The following DLG1 variants were observed in gnomAD, a reference collection of about 807,000 sequenced individuals.
DLG1 encodes disks large homolog 1.
A neutral mutation model predicts 123.4 loss-of-function variants in DLG1; 42 were observed. The observed-to-expected ratio is 0.34, with a 90% CI of 0.27 to 0.44. The LOEUF is 0.44. Among genes scored for constraint, DLG1 ranks in the 20% least tolerant of loss-of-function variants. The probability of loss-of-function intolerance (pLI) is 1.00; values close to 1 mark genes in which losing one functional copy is unlikely to be tolerated. For missense variants in DLG1, 942 were observed against 1,082.6 expected (o/e 0.87, Z 1.82); for synonymous variants, 317 against 356.2 (o/e 0.89, Z 1.24).
intron 4 of DLG1, among the ~76,000 whole-genome samples, chr3:197,234,573 A>G (rs1222270121): frequency 6.6e-6 from 1 of 152,234 alleles, no homozygotes; most frequent in African/African-American, 2.4e-5. Flanking sequence ...AAGAACATGT[A>G]ATAACATGAA....
In DLG1 at chr3:197,282,665, A is replaced by T; in HGVS notation, c.318+14T>A. ...TCACCAAAAAACAGCTTCAGAACACATTTTTTATCTCACCTCTACACTAGG... is the reference window on the plus strand; with the variant it reads ...TCACCAAAAAACAGCTTCAGAACACTTTTTTTATCTCACCTCTACACTAGG... On this transcript the variant is annotated intron_variant, in intron 4 of 24. Transcript: ENST00000667157. The T allele has an allele frequency of 1.3e-6, 2 of 1,502,004 alleles. No individual in the cohort carries two copies. Among genetic ancestry groups the T allele is most frequent in the Non-Finnish European group, 1.8e-6 (2 of 1,128,712 alleles). 93.0% of individuals were successfully genotyped at this position (1,502,004 alleles called of 1,614,324 possible).
chr3:197,111,624 A>G (rs954116586), intron 13 of DLG1, among the ~76,000 whole-genome samples: 11 of 152,236 alleles, frequency 7.2e-5, no homozygotes, highest in African/African-American at 2.7e-4. Flanking sequence ...CATAAAAATC[A>G]TGAAACCACT....
At chr3:197,149,869 C>T in intron 5 of DLG1, 73 bp from the exon 6 acceptor site, 2 of 869,932 alleles carry the variant, frequency 2.3e-6, no homozygotes, top group South Asian at 1.5e-5. Flanking sequence ...ATGTTAGAGG[C>T]ATAGGAAAGA....
At chr3:197,133,413 A>T (rs1030441036) in intron 10 of DLG1, among the ~76,000 whole-genome samples, 16 of 152,332 alleles carry the variant, frequency 1.1e-4, no homozygotes, top group African/African-American at 3.6e-4. Context: ...CTAGTACAGC[A>T]AAGACAAGTT....
intron 5 of DLG1, among the ~76,000 whole-genome samples, chr3:197,177,029 GT>G (rs1807484591): frequency 6.6e-6 from 1 of 151,244 alleles, no homozygotes; most frequent in South Asian, 2.1e-4. Context: ...TGTTGAAACA[GT>G]GTTTAAGAAC....
intron 10 of DLG1, among the ~76,000 whole-genome samples, chr3:197,136,109 C>A (rs1172237558): frequency 6.6e-6 from 1 of 152,152 alleles, no homozygotes; most frequent in Admixed American, 6.6e-5. Context: ...AGCCACCACA[C>A]CCGGCCTGAT....
chr3:197,160,877 C>T (rs1246473221), intron 5 of DLG1, among the ~76,000 whole-genome samples: 1 of 152,096 alleles, frequency 6.6e-6, no homozygotes, highest in African/African-American at 2.4e-5. Context: ...TTTATTTACA[C>T]TTTAAATGAG....
intron 5 of DLG1, among the ~76,000 whole-genome samples, chr3:197,190,882 C>T (rs1380041081): frequency 1.3e-5 from 2 of 152,052 alleles, no homozygotes; most frequent in Non-Finnish European, 2.9e-5. Flanking sequence ...TGGTGGCGGG[C>T]GCCTGTAGTC....
intron 4 of DLG1, among the ~76,000 whole-genome samples, chr3:197,278,686 A>G (rs1376382293): frequency 6.6e-6 from 1 of 152,116 alleles, no homozygotes; most frequent in African/African-American, 2.4e-5. Flanking sequence ...ACAAAGTTAT[A>G]AGGTCACAAA....
intron 4 of DLG1, among the ~76,000 whole-genome samples, chr3:197,207,704 A>AGACT (rs1366462634): frequency 1.1e-4 from 16 of 147,806 alleles, no homozygotes; most frequent in South Asian, 7.3e-4. Flanking sequence ...AAATCGGCAT[A>AGACT]TAAATAGAAA....
At chr3:197,122,667 T>C (rs1252847334) in intron 11 of DLG1, among the ~76,000 whole-genome samples, 1 of 152,044 alleles carries the variant, frequency 6.6e-6, no homozygotes, top group Non-Finnish European at 1.5e-5. Flanking sequence ...ATTTACAAAG[T>C]AGTACATTTA....
intron 5 of DLG1, among the ~76,000 whole-genome samples, 196 bp from the exon 6 acceptor site, chr3:197,149,992 C>T (rs1793080252): frequency 6.6e-6 from 1 of 152,088 alleles, no homozygotes; most frequent in African/African-American, 2.4e-5. Context: ...AACAGATTTG[C>T]TTTTAAGAAA....
At position 197,044,739 on chromosome 3, in the gene DLG1, T is replaced by C. The variant is rs746604315; in HGVS notation, c.2576-10A>G. On this transcript the variant is annotated splice_polypyrimidine_tract_variant and intron_variant, in intron 24 of 24. Coordinates refer to ENST00000667157, the MANE Select transcript of DLG1 (RefSeq NM_001366207.1). ...TCCCCCTGTACAATAGCTGTAATGA[T>C]AGAAACAAAATCAGAAATCTCCATT... The C allele has an allele frequency of 3.4e-6, 5 of 1,478,364 alleles. No homozygotes were observed. Among genetic ancestry groups the C allele is most frequent in the East Asian group, 4.8e-5 (2 of 41,594 alleles). 91.6% of individuals were successfully genotyped at this position (1,478,364 alleles called of 1,614,324 possible).
chr3:197,091,209 T>C (rs920829284), intron 14 of DLG1, among the ~76,000 whole-genome samples, 183 bp from the exon 15 acceptor site: 4 of 152,068 alleles, frequency 2.6e-5, no homozygotes, highest in Admixed American at 2.0e-4. Flanking sequence ...ATAACCTAAA[T>C]GTACCATAAA....
rs373687669 is a variant in DLG1 at position 197,180,040 on chromosome 3, T to C, written c.483+14385A>G. On this transcript the variant is annotated intron_variant, in intron 5 of 24. Transcript: ENST00000667157. ...AGAATACAGCTTTGCTGCTCTCAGC[T>C]TAATTTGGCATGTTGTGTTTTTTTT... is the stretch of plus-strand genomic sequence containing the variant. 9.5e-4 allele frequency among the ~76,000 whole-genome samples: 130 copies of C among 136,808 alleles called. 3 individuals carry two copies. The South Asian group carries it at 0.031, about 33-fold the overall frequency. The allele number at this position is 136,808 out of a possible 152,430, so 89.8% of individuals were successfully genotyped here.
At chr3:197,049,576 A>C (rs1247809605) in intron 24 of DLG1, among the ~76,000 whole-genome samples, 1 of 152,106 alleles carries the variant, frequency 6.6e-6, no homozygotes, top group Admixed American at 6.6e-5. Context: ...AACATGGGGA[A>C]ACCCCATCTC....
intron 13 of DLG1, among the ~76,000 whole-genome samples, chr3:197,106,241 A>T (rs972745552): frequency 6.6e-6 from 1 of 152,186 alleles, no homozygotes; most frequent in Non-Finnish European, 1.5e-5. Flanking sequence ...ACCTGTCTCT[A>T]CTAAAAATAC....
At position 197,105,020 on chromosome 3, in the gene DLG1, A is replaced by G; in HGVS notation, c.1444-15T>C. 6.6e-7 allele frequency: 1 copy of G among 1,523,528 alleles called. No individual in the cohort carries two copies. Among genetic ancestry groups the G allele is most frequent in the Non-Finnish European group, 9.0e-7 (1 of 1,113,740 alleles). 94.4% of individuals were successfully genotyped at this position (1,523,528 alleles called of 1,614,324 possible). On this transcript the variant is annotated splice_polypyrimidine_tract_variant and intron_variant, in intron 13 of 24. Coordinates refer to ENST00000667157, the MANE Select transcript of DLG1 (RefSeq NM_001366207.1). ...ACACTGTTTACCTGTAAATCAAACC[A>G]AATCTTAATTTGGGAGAAAAGAATC... is the stretch of plus-strand genomic sequence containing the variant.
chr3:197,257,223 T>G (rs767186816), intron 4 of DLG1, among the ~76,000 whole-genome samples: 13 of 152,180 alleles, frequency 8.5e-5, no homozygotes, highest in Non-Finnish European at 1.6e-4. Flanking sequence ...AATATGAATA[T>G]TTAAATAAAA....
Sources: gnomAD v4.1 joint callset for allele counts (sites outside exome capture counted in the v4.1 genomes callset) on GRCh38, gnomAD v4.1.1 for gene constraint, MANE v1.5 for transcripts, NCBI Gene and HGNC (gene_info 2026-07-23, HGNC 2026-07-21) for gene names.